IGFBP7: variants seen among roughly 807,000 people sequenced by gnomAD.
IGFBP7 encodes insulin-like growth factor-binding protein 7.
IGFBP7 carries 31 observed loss-of-function variants against 29.4 expected under a neutral mutation model. The ratio of observed to expected loss-of-function variants is 1.05; its 90% CI spans 0.79 to 1.42. IGFBP7 has a LOEUF of 1.42. IGFBP7 is among the 40% of genes most tolerant of loss of function. The pLI is 0.00. For missense variants in IGFBP7, 393 were observed against 395.5 expected, an observed-to-expected ratio of 0.99 and a Z score of 0.05; for synonymous variants, 172 against 174.9, an observed-to-expected ratio of 0.98 and a Z score of 0.13.
At chr4:57,047,941 C>T (rs1724402158) in intron 1 of IGFBP7, among the ~76,000 whole-genome samples, 1 of 152,148 alleles carries the variant, frequency 6.6e-6, no homozygotes, top group Non-Finnish European at 1.5e-5. Flanking sequence ...GCCATGTTGG[C>T]CAGGCTGGTC....
intron 1 of IGFBP7, 91 bp downstream of exon 1, chr4:57,109,786 C>T: frequency 7.1e-7 from 1 of 1,411,090 alleles, no homozygotes; most frequent in Non-Finnish European, 9.3e-7. Context: ...CAGTGAGCAG[C>T]GCGGGGCGAG....
At chr4:57,062,545 G>A (rs943403911) in intron 1 of IGFBP7, among the ~76,000 whole-genome samples, 1 of 152,136 alleles carries the variant, frequency 6.6e-6, no homozygotes, top group Non-Finnish European at 1.5e-5. Flanking sequence ...TGAATTCTGG[G>A]TGGATGATAA....
intron 1 of IGFBP7, among the ~76,000 whole-genome samples, chr4:57,087,822 A>C (rs902289268): frequency 3.9e-5 from 6 of 152,234 alleles, no homozygotes; most frequent in Non-Finnish European, 8.8e-5. Context: ...AGAGGGACAA[A>C]GAGATTAAGC....
At chr4:57,071,964 C>T (rs772333568) in intron 1 of IGFBP7, among the ~76,000 whole-genome samples, 7 of 151,896 alleles carry the variant, frequency 4.6e-5, no homozygotes, top group Non-Finnish European at 7.4e-5. Context: ...GGTGAGACCC[C>T]TATCTCTTTT....
Position 57,032,425 on chromosome 4 carries a change from C to T in IGFBP7, c.829+1G>A, listed in dbSNP as rs944624954. 6.2e-7 allele frequency: 1 copy of T among 1,613,674 alleles called. No homozygotes were observed. The highest frequency in any genetic ancestry group is 8.5e-7 in the Non-Finnish European group (1 of 1,179,696). On this transcript the variant is annotated splice_donor_variant, in intron 4 of 4. Transcript: ENST00000295666. LOFTEE classifies it high-confidence loss of function. Reference sequence around the variant, plus strand: ...AAATGGCTGTGAGATTTATTGTGTACCTTTTTTCACTGGTATTTCATGTAA... The same window carrying T: ...AAATGGCTGTGAGATTTATTGTGTATCTTTTTTCACTGGTATTTCATGTAA...
chr4:57,064,752 A>G (rs1351481600), intron 1 of IGFBP7, among the ~76,000 whole-genome samples: 1 of 152,228 alleles, frequency 6.6e-6, no homozygotes, highest in Non-Finnish European at 1.5e-5. Context: ...CTTATATAAG[A>G]GGCCCCAGGG....
intron 1 of IGFBP7, among the ~76,000 whole-genome samples, chr4:57,099,267 C>T (rs1303009655): frequency 3.3e-5 from 5 of 152,088 alleles, no homozygotes; most frequent in African/African-American, 1.2e-4. Context: ...ATATGAAAGC[C>T]CTCTTTTTTC....
rs545499132 is a variant in IGFBP7, at chr4:57,072,383, C to A, written c.476-31450G>T. Reference sequence around the variant, plus strand: ...TCTCTACAAAAATATATAAAATTAGCTGAGTGTGTTTGTGTGGGGTGCCCC... The same window carrying A: ...TCTCTACAAAAATATATAAAATTAGATGAGTGTGTTTGTGTGGGGTGCCCC... On this transcript the variant is annotated intron_variant, in intron 1 of 4. Coordinates refer to ENST00000295666, the MANE Select transcript of IGFBP7 (RefSeq NM_001553.3). 4.2e-4 allele frequency among the ~76,000 whole-genome samples: 64 copies of A among 152,184 alleles called. 1 individual carries two copies. In the South Asian group the frequency reaches 0.013, roughly 31 times the overall value.
intron 1 of IGFBP7, among the ~76,000 whole-genome samples, chr4:57,055,726 C>T (rs1724649636): frequency 6.6e-6 from 1 of 152,156 alleles, no homozygotes. Context: ...CTGCCCTCCT[C>T]ATTCCTGCCC....
rs1320738674 is a variant in IGFBP7 at position 57,110,384 on chromosome 4, G to A, written c.-33C>T. 2.7e-5 allele frequency: 35 copies of A among 1,292,882 alleles called. No individual in the cohort carries two copies. Among genetic ancestry groups the A allele is most frequent in the Non-Finnish European group, 3.3e-5 (34 of 1,023,556 alleles). 80.1% of individuals were successfully genotyped at this position (1,292,882 alleles called of 1,614,324 possible). A position where few individuals can be genotyped will look rare whatever the true frequency, so the allele number is the denominator to read the frequency against. On this transcript the variant is annotated 5_prime_UTR_variant, in exon 1 of 5. Transcript: ENST00000295666. ...TGCGGTGGCAGCGGCAAGGGCGCGA[G>A]TGAGCCGTGTCGGGCCGGCCGGCGC...
At chr4:57,088,345 A>G (rs1446852046) in intron 1 of IGFBP7, among the ~76,000 whole-genome samples, 1 of 152,162 alleles carries the variant, frequency 6.6e-6, no homozygotes, top group African/African-American at 2.4e-5. Context: ...CACAAATATA[A>G]TGTTAAAATA....
intron 1 of IGFBP7, among the ~76,000 whole-genome samples, chr4:57,067,899 C>T (rs1022100216): frequency 1.9e-4 from 29 of 151,998 alleles, no homozygotes; most frequent in African/African-American, 6.8e-4. Flanking sequence ...TGCTCTCTTC[C>T]CCCTGGAGAA....
At chr4:57,054,637 CACAAAAAAA>C (rs67495026) in intron 1 of IGFBP7, among the ~76,000 whole-genome samples, 45,162 of 125,496 alleles carry the variant, frequency 0.36, 9,345 homozygotes, top group East Asian at 0.57. Context: ...GGCTCTCTCT[CACAAAAAAA>C]AAAAAAAAAA....
rs1187770299 is a variant in IGFBP7 at position 57,032,620 on chromosome 4, G to A, written c.703-68C>T. ...CTCTTTTGTCAGTGGTTCCAGTGAG[G>A]TCATTATTTCATAAATTTCCTAAGA... On this transcript the variant is annotated intron_variant, in intron 3 of 4. Coordinates refer to ENST00000295666, the MANE Select transcript of IGFBP7 (RefSeq NM_001553.3). 27 of 1,248,242 alleles carry A rather than the reference G, an allele frequency of 2.2e-5. No individual in the cohort carries two copies. The South Asian group carries it at 2.8e-4, about 13-fold the overall frequency. 77.3% of individuals were successfully genotyped at this position (1,248,242 alleles called of 1,614,324 possible).
At chr4:57,066,099 A>G (rs1724915789) in intron 1 of IGFBP7, among the ~76,000 whole-genome samples, 1 of 152,018 alleles carries the variant, frequency 6.6e-6, no homozygotes, top group African/African-American at 2.4e-5. Context: ...CCTTTATCAA[A>G]TCCACCCCCC....
At chr4:57,092,378 G>A (rs761976874) in intron 1 of IGFBP7, among the ~76,000 whole-genome samples, 46 of 152,240 alleles carry the variant, frequency 3.0e-4, no homozygotes, top group Non-Finnish European at 6.3e-4. Context: ...TAGAAACCAT[G>A]ATTCCTGGTA....
chr4:57,096,299 C>A (rs1428454009), intron 1 of IGFBP7, among the ~76,000 whole-genome samples: 1 of 146,670 alleles, frequency 6.8e-6, no homozygotes, highest in Non-Finnish European at 1.5e-5. Context: ...CTCAAAGTCC[C>A]CCGTTGCAAA....
At chr4:57,098,516 G>C (rs11573036) in intron 1 of IGFBP7, among the ~76,000 whole-genome samples, 2 of 152,172 alleles carry the variant, frequency 1.3e-5, no homozygotes, top group African/African-American at 4.8e-5. Flanking sequence ...CAGCAGTGCA[G>C]AAAGAGTCAA....
At chr4:57,070,763 T>C (rs1725034302) in intron 1 of IGFBP7, among the ~76,000 whole-genome samples, 1 of 152,194 alleles carries the variant, frequency 6.6e-6, no homozygotes, top group Non-Finnish European at 1.5e-5. Flanking sequence ...ACAAGCCAGC[T>C]CACAAACTGG....
Sources: gnomAD v4.1 joint callset for allele counts (sites outside exome capture counted in the v4.1 genomes callset) on GRCh38, gnomAD v4.1.1 for gene constraint, MANE v1.5 for transcripts, NCBI Gene and HGNC (gene_info 2026-07-23, HGNC 2026-07-21) for gene names.